The following PITPNC1 variants were observed in gnomAD, a reference collection of about 807,000 sequenced individuals.
The protein encoded by PITPNC1 is phosphatidylinositol transfer protein cytoplasmic 1, also known as cytoplasmic phosphatidylinositol transfer protein 1.
A neutral mutation model predicts 44.7 loss-of-function variants in PITPNC1; 18 were observed. That is an observed-to-expected ratio of 0.40 (90% confidence interval 0.28 to 0.60). The LOEUF (loss-of-function observed/expected upper bound fraction) is 0.60, where lower values mean the gene tolerates loss of function less well. Ranked by LOEUF, PITPNC1 falls within the 20% of genes least tolerant of loss-of-function variation. PITPNC1 has a pLI of 0.39. For missense variants in PITPNC1, 290 were observed against 418.4 expected (o/e 0.69, Z 2.68); for synonymous variants, 141 against 149.6 (o/e 0.94, Z 0.42).
intron 5 of PITPNC1, among the ~76,000 whole-genome samples, chr17:67,598,894 A>G (rs1330477069): frequency 6.6e-6 from 1 of 150,538 alleles, no homozygotes; most frequent in Non-Finnish European, 1.5e-5. Flanking sequence ...ACTCCATCTC[A>G]AAAAAACAGA....
chr17:67,502,474 G>A (rs1445366538), intron 1 of PITPNC1, among the ~76,000 whole-genome samples: 2 of 152,124 alleles, frequency 1.3e-5, no homozygotes, highest in Non-Finnish European at 2.9e-5. Flanking sequence ...TTTAAGGAAC[G>A]GGTTGGCCCA....
At chr17:67,669,092 C>G (rs2042470120) in intron 6 of PITPNC1, among the ~76,000 whole-genome samples, 1 of 151,654 alleles carries the variant, frequency 6.6e-6, no homozygotes, top group South Asian at 2.1e-4. Flanking sequence ...TACTAATCTA[C>G]TTTCTGTCTC....
chr17:67,537,858 G>C (rs1352752329), intron 2 of PITPNC1, among the ~76,000 whole-genome samples: 4 of 151,756 alleles, frequency 2.6e-5, no homozygotes, highest in Non-Finnish European at 4.4e-5. Context: ...TGTAATCCCA[G>C]CTACTCTGGA....
chr17:67,523,142 T>C (rs956728692), intron 1 of PITPNC1, among the ~76,000 whole-genome samples: 2 of 152,212 alleles, frequency 1.3e-5, no homozygotes, highest in Non-Finnish European at 2.9e-5. Flanking sequence ...ACCATTCGAC[T>C]TTCTGTCTCT....
chr17:67,403,378 C>T (rs1198928152), intron 1 of PITPNC1, among the ~76,000 whole-genome samples: 1 of 152,064 alleles, frequency 6.6e-6, no homozygotes, highest in African/African-American at 2.4e-5. Flanking sequence ...ATAAGGTTCT[C>T]GTTAGATATT....
chr17:67,400,733 T>C (rs2038295198), intron 1 of PITPNC1, among the ~76,000 whole-genome samples: 1 of 151,586 alleles, frequency 6.6e-6, no homozygotes, highest in Non-Finnish European at 1.5e-5. Context: ...GTACTCTATT[T>C]AAATGAAAGG....
rs540097702 is a variant in PITPNC1 at position 67,463,829 on chromosome 17, C to A, written c.49-68973C>A. The stretch of plus-strand genomic sequence containing the variant: ...GGCTGAGGTGGGAGGATCGTTTAAG[C>A]CCGAAAGGCAGAGCTTGCAGCACCA... On this transcript the variant is annotated intron_variant, in intron 1 of 8. Transcript: ENST00000581322. 3.9e-5 allele frequency among the ~76,000 whole-genome samples: 6 copies of A among 152,070 alleles called. No homozygotes were observed. In the South Asian group the frequency reaches 1.2e-3, roughly 32 times the overall value.
At chr17:67,471,559 T>G in intron 1 of PITPNC1, 1 of 386,024 alleles carries the variant, frequency 2.6e-6, no homozygotes, top group Non-Finnish European at 4.9e-6. Context: ...CACAATTACT[T>G]TTGCACCAAC....
intron 4 of PITPNC1, among the ~76,000 whole-genome samples, chr17:67,566,528 A>G (rs191445116): frequency 6.6e-6 from 1 of 152,282 alleles, no homozygotes; most frequent in Admixed American, 6.5e-5. Context: ...AAGCACTTTC[A>G]TAATAAGAAT....
At chr17:67,558,935 C>T (rs1484063814) in intron 4 of PITPNC1, among the ~76,000 whole-genome samples, 1 of 152,306 alleles carries the variant, frequency 6.6e-6, no homozygotes, top group East Asian at 1.9e-4. Flanking sequence ...AGGCTGCTCA[C>T]AGCTGAGAGT....
chr17:67,571,429 AAAAAG>A (rs374351226), intron 4 of PITPNC1, among the ~76,000 whole-genome samples: 7 of 152,370 alleles, frequency 4.6e-5, no homozygotes, highest in South Asian at 4.1e-4. Flanking sequence ...CTCTGTCTCA[AAAAAG>A]AAAAGAAAAG....
At chr17:67,565,384 TAG>T (rs1488316325) in intron 4 of PITPNC1, among the ~76,000 whole-genome samples, 19 of 152,084 alleles carry the variant, frequency 1.2e-4, no homozygotes, top group Admixed American at 9.9e-4. Context: ...GTGTGTATAC[TAG>T]TTTTCCATGT....
intron 1 of PITPNC1, among the ~76,000 whole-genome samples, chr17:67,393,354 C>T (rs1311119383): frequency 6.6e-6 from 1 of 152,030 alleles, no homozygotes; most frequent in Non-Finnish European, 1.5e-5. Flanking sequence ...CCCTGGCAAC[C>T]ACCATCCTAC....
intron 5 of PITPNC1, among the ~76,000 whole-genome samples, chr17:67,613,983 G>A (rs1356384952): frequency 7.1e-6 from 1 of 141,628 alleles, no homozygotes; most frequent in Non-Finnish European, 1.5e-5. Context: ...CAACTCAGGA[G>A]ACCGAGGTGG....
intron 5 of PITPNC1, among the ~76,000 whole-genome samples, chr17:67,611,054 A>G (rs989728839): frequency 6.6e-6 from 1 of 152,226 alleles, no homozygotes; most frequent in Non-Finnish European, 1.5e-5. Context: ...ATAAATGGTA[A>G]TGTTAAAATT....
chr17:67,585,704 C>T (rs1357695276), intron 5 of PITPNC1, among the ~76,000 whole-genome samples: 3 of 152,150 alleles, frequency 2.0e-5, no homozygotes, highest in Admixed American at 6.5e-5. Flanking sequence ...ACTCAGGAGG[C>T]TGAGATGGAA....
intron 1 of PITPNC1, among the ~76,000 whole-genome samples, chr17:67,449,829 ACT>A (rs909501937): frequency 6.6e-6 from 1 of 152,104 alleles, no homozygotes; most frequent in African/African-American, 2.4e-5. Context: ...TTGGAAACAA[ACT>A]CTTTTTCTGT....
intron 5 of PITPNC1, among the ~76,000 whole-genome samples, chr17:67,626,429 G>C (rs2041896157): frequency 6.6e-6 from 1 of 152,086 alleles, no homozygotes; most frequent in South Asian, 2.1e-4. Flanking sequence ...GGAGTGCAGT[G>C]GTGTATCTCA....
At chr17:67,607,139 G>A (rs1036318029) in intron 5 of PITPNC1, among the ~76,000 whole-genome samples, 1 of 152,210 alleles carries the variant, frequency 6.6e-6, no homozygotes, top group Non-Finnish European at 1.5e-5. Context: ...TTTGCCCTGC[G>A]CTGCTGTAGG....
Sources: allele counts gnomAD v4.1 joint callset (sites outside exome capture counted in the v4.1 genomes callset), GRCh38; gene constraint gnomAD v4.1.1; transcripts MANE v1.5; gene names NCBI Gene and HGNC (gene_info 2026-07-23, HGNC 2026-07-21).